XKR6: variants seen among roughly 807,000 people sequenced by gnomAD.
XKR6 encodes the protein XK-related protein 6.
Under a neutral mutation model 56.7 loss-of-function variants are expected in XKR6, and 22 were observed. The ratio of observed to expected loss-of-function variants is 0.39; its 90% CI spans 0.28 to 0.55. XKR6 has a LOEUF of 0.55. Among genes scored for constraint, XKR6 ranks in the 20% least tolerant of loss-of-function variants. XKR6 has a pLI of 0.66. For synonymous variants in XKR6, 524 were observed against 387.8 expected, an observed-to-expected ratio of 1.35 and a Z score of -4.13; for missense variants, 852 against 889.0, an observed-to-expected ratio of 0.96 and a Z score of 0.53.
chr8:10,912,886 G>A lies in XKR6; in HGVS notation c.961+11748C>T, dbSNP rs536064396. On this transcript the variant is annotated intron_variant, in intron 2 of 2. Transcript: ENST00000416569. ...GTATAGATAGAGAGAAAGAGGGTGTGTGTGTTTATATATAAAGAGAGGGCG... is the reference window on the plus strand; with the variant it reads ...GTATAGATAGAGAGAAAGAGGGTGTATGTGTTTATATATAAAGAGAGGGCG... Among the ~76,000 whole-genome samples the A allele has an allele frequency of 4.0e-4, 60 of 150,872 alleles. 1 individual carries two copies. The highest frequency in any genetic ancestry group is 1.4e-3 in the African/African-American group (56 of 41,078).
chr8:10,984,517 A>G (rs577615884), intron 1 of XKR6, among the ~76,000 whole-genome samples: 1 of 152,166 alleles, frequency 6.6e-6, no homozygotes, highest in South Asian at 2.1e-4. Flanking sequence ...ATTAAGAAAG[A>G]AGAGGTAAAA....
At chr8:11,134,452 G>A (rs1424724046) in intron 1 of XKR6, among the ~76,000 whole-genome samples, 1 of 152,164 alleles carries the variant, frequency 6.6e-6, no homozygotes, top group East Asian at 1.9e-4. Flanking sequence ...ACTACTCCAA[G>A]TGGAAACACT....
chr8:11,173,864 A>G (rs1802510532), intron 1 of XKR6, among the ~76,000 whole-genome samples: 2 of 152,190 alleles, frequency 1.3e-5, no homozygotes, highest in Non-Finnish European at 2.9e-5. Context: ...AATTCTGCTC[A>G]CAGATCACTT....
Position 11,201,078 on chromosome 8 carries a change from C to G in XKR6, c.262G>C (p.Ala88Pro). Residue 88 changes from alanine to proline, a missense_variant, in exon 1 of 3, where the codon GCC becomes CCC. Physicochemically the swap from Ala to Pro is conservative, Grantham distance 27 (BLOSUM62 -1). This residue lies in a region of XKR6 where 417 missense variants were observed against 355.2 expected (regional missense o/e 1.17). Coordinates refer to ENST00000416569, the MANE Select transcript of XKR6 (RefSeq NM_173683.4). ...TGCAGCGGCTGGTCCCCCCCGTCGGCGGCGGCGCTGCGGCGCGGCTTCCTG... is the reference window on the plus strand; with the variant it reads ...TGCAGCGGCTGGTCCCCCCCGTCGGGGGCGGCGCTGCGGCGCGGCTTCCTG... The part of the protein sequence containing the change: ...LGRKPRRSAA[A>P]DGGDQPLQPP... 3 of 1,314,940 alleles carry G rather than the reference C, an allele frequency of 2.3e-6. No individual in the cohort carries two copies. The allele number at this position is 1,314,940 out of a possible 1,614,324, so 81.5% of individuals were successfully genotyped here.
At chr8:10,930,366 CCAAA>C (rs2129119593) in intron 1 of XKR6, among the ~76,000 whole-genome samples, 1 of 152,190 alleles carries the variant, frequency 6.6e-6, no homozygotes, top group South Asian at 2.1e-4. Context: ...GTAAATTCTA[CCAAA>C]CAGAGTAGAA....
chr8:11,098,167 C>A (rs573572965), intron 1 of XKR6, among the ~76,000 whole-genome samples: 26 of 152,182 alleles, frequency 1.7e-4, no homozygotes, highest in African/African-American at 6.3e-4. Context: ...TCCAGAAATA[C>A]CGAATTGGAA....
chr8:10,922,864 C>T (rs964789781), intron 2 of XKR6, among the ~76,000 whole-genome samples: 17 of 152,210 alleles, frequency 1.1e-4, no homozygotes, highest in Admixed American at 2.6e-4. Context: ...CCATCCTCCT[C>T]GAGGCCTCCT....
intron 1 of XKR6, among the ~76,000 whole-genome samples, chr8:11,169,948 G>C (rs1024856666): frequency 6.6e-6 from 1 of 151,016 alleles, no homozygotes; most frequent in Non-Finnish European, 1.5e-5. Flanking sequence ...GAGAGAGAGA[G>C]ATGGGACAGT....
intron 1 of XKR6, among the ~76,000 whole-genome samples, chr8:11,087,642 T>C (rs1045560756): frequency 6.6e-6 from 1 of 152,238 alleles, no homozygotes; most frequent in South Asian, 2.1e-4. Context: ...CCTAACATTC[T>C]GAAGACGGCA....
intron 1 of XKR6, among the ~76,000 whole-genome samples, chr8:11,130,143 G>C (rs75508752): frequency 0.05 from 7,683 of 152,190 alleles, 286 homozygotes; most frequent in South Asian, 0.081. Flanking sequence ...GACAGTGTTT[G>C]GCATTTAAGG....
chr8:10,950,987 T>G (rs913318007), intron 1 of XKR6, among the ~76,000 whole-genome samples: 5 of 149,328 alleles, frequency 3.3e-5, no homozygotes, highest in African/African-American at 1.2e-4. Flanking sequence ...GGGATTTCCA[T>G]CCAGGACTGA....
chr8:10,900,852 A>G (rs1420781854), intron 2 of XKR6, among the ~76,000 whole-genome samples: 1 of 40,312 alleles, frequency 2.5e-5, no homozygotes, highest in Non-Finnish European at 4.4e-5. Context: ...AGGATGTGCA[A>G]TTACCTTTTT....
intron 1 of XKR6, among the ~76,000 whole-genome samples, chr8:11,008,748 C>T (rs868802498): frequency 9.2e-5 from 14 of 152,214 alleles, no homozygotes; most frequent in South Asian, 2.1e-4. Flanking sequence ...CCGGTGGACA[C>T]ATGTCTGGGC....
At chr8:11,169,940 G>C (rs761298516) in intron 1 of XKR6, among the ~76,000 whole-genome samples, 9 of 151,548 alleles carry the variant, frequency 5.9e-5, no homozygotes, top group African/African-American at 2.2e-4. Context: ...GGGGAAAAGA[G>C]AGAGAGAGAT....
intron 1 of XKR6, among the ~76,000 whole-genome samples, chr8:11,144,223 AGTGTGTGTGT>A (rs35351104): frequency 1.5e-5 from 2 of 136,514 alleles, no homozygotes; most frequent in Admixed American, 7.5e-5. Context: ...TTAAATAAAA[AGTGTGTGTGT>A]GTGTGTGTGT....
chr8:11,036,701 C>A (rs1164081260), intron 1 of XKR6, among the ~76,000 whole-genome samples: 1 of 152,246 alleles, frequency 6.6e-6, no homozygotes, highest in Non-Finnish European at 1.5e-5. Flanking sequence ...GTTTAAGGCA[C>A]ATTTTCATTA....
intron 1 of XKR6, among the ~76,000 whole-genome samples, chr8:11,132,784 C>CAT (rs1467114457): frequency 6.8e-6 from 1 of 146,348 alleles, no homozygotes; most frequent in African/African-American, 2.7e-5. Context: ...CACACACACA[C>CAT]ACGCACATTT....
intron 1 of XKR6, among the ~76,000 whole-genome samples, chr8:11,088,844 G>C (rs1797977392): frequency 6.6e-6 from 1 of 152,200 alleles, no homozygotes; most frequent in Non-Finnish European, 1.5e-5. Flanking sequence ...ACTTTAATGT[G>C]ATCAATTCCA....
intron 2 of XKR6, among the ~76,000 whole-genome samples, chr8:10,916,821 GCAGT>G (rs1380162507): frequency 9.9e-5 from 15 of 152,224 alleles, no homozygotes; most frequent in African/African-American, 3.6e-4. Context: ...TTGTTTGGAC[GCAGT>G]CAGTCTGAGT....
Sources: allele counts gnomAD v4.1 joint callset (sites outside exome capture counted in the v4.1 genomes callset), GRCh38; gene constraint gnomAD v4.1.1; regional missense constraint gnomAD v4.1.1; transcripts MANE v1.5; gene names NCBI Gene and HGNC (gene_info 2026-07-23, HGNC 2026-07-21).